The following CHODL variants were observed in gnomAD, a reference collection of about 807,000 sequenced individuals.
CHODL encodes chondrolectin.
Under a neutral mutation model 34.5 loss-of-function variants are expected in CHODL, and 29 were observed. That is an observed-to-expected ratio of 0.84 (90% CI 0.63 to 1.15). The LOEUF is 1.15. CHODL is among the 50% of genes most tolerant of loss of function. The probability of loss-of-function intolerance (pLI) is 0.00; values close to 1 mark genes in which losing one functional copy is unlikely to be tolerated. For synonymous variants in CHODL, 125 were observed against 116.1 expected (o/e 1.08, Z -0.49); for missense variants, 332 against 332.5 (o/e 1.00, Z 0.01).
intron 2 of CHODL, among the ~76,000 whole-genome samples, chr21:18,107,028 T>C (rs1696902942): frequency 6.6e-6 from 1 of 152,200 alleles, no homozygotes; most frequent in Non-Finnish European, 1.5e-5. Context: ...TAAGAAGGAC[T>C]AAGTGGAGAC....
chr21:18,160,052 G>T (rs1246008266), intron 2 of CHODL, among the ~76,000 whole-genome samples: 1 of 152,180 alleles, frequency 6.6e-6, no homozygotes, highest in Non-Finnish European at 1.5e-5. Flanking sequence ...TATTAAATTT[G>T]TGATAATCTG....
At chr21:18,061,650 A>G (rs2064667248) in intron 2 of CHODL, among the ~76,000 whole-genome samples, 1 of 152,230 alleles carries the variant, frequency 6.6e-6, no homozygotes, top group African/African-American at 2.4e-5. Context: ...GCACTTGTCA[A>G]CATGGATGGG....
rs151301428 is a variant in CHODL, at chr21:18,019,606, A to G, written c.-144-8266A>G. ...TACCTCATAATTATATATAACTACT[A>G]TATATCCACAAATTTAAAAAAAACT... On this transcript the variant is annotated intron_variant, in intron 1 of 6. Transcript: ENST00000400127. Among the ~76,000 whole-genome samples the G allele has an allele frequency of 3.5e-3, 535 of 152,276 alleles. 2 individuals carry two copies. Among genetic ancestry groups the G allele is most frequent in the African/African-American group, 0.012 (499 of 41,556 alleles).
At chr21:18,163,381 G>T (rs141602895) in intron 2 of CHODL, among the ~76,000 whole-genome samples, 1 of 152,132 alleles carries the variant, frequency 6.6e-6, no homozygotes, top group Non-Finnish European at 1.5e-5. Context: ...ATATTGGACT[G>T]AACAAATTAA....
intron 1 of CHODL, among the ~76,000 whole-genome samples, chr21:17,973,668 C>T (rs1253476220): frequency 6.6e-6 from 1 of 151,884 alleles, no homozygotes; most frequent in Non-Finnish European, 1.5e-5. Flanking sequence ...GATCCGCCCA[C>T]CTCAGCCTCC....
intron 1 of CHODL, among the ~76,000 whole-genome samples, chr21:17,933,708 T>C (rs1304992825): frequency 6.6e-6 from 1 of 152,126 alleles, no homozygotes; most frequent in Non-Finnish European, 1.5e-5. Context: ...TTCTCACTTA[T>C]AAGTGGGAGC....
intron 1 of CHODL, among the ~76,000 whole-genome samples, chr21:18,252,223 T>G (rs948939731): frequency 1.3e-5 from 2 of 152,130 alleles, no homozygotes; most frequent in Non-Finnish European, 2.9e-5. Flanking sequence ...AATGTAAGCT[T>G]AGTGTAATAG....
At chr21:18,103,837 C>A (rs995663538) in intron 2 of CHODL, among the ~76,000 whole-genome samples, 5 of 152,170 alleles carry the variant, frequency 3.3e-5, no homozygotes, top group African/African-American at 1.2e-4. Flanking sequence ...TTCCAAACAT[C>A]CTTTCTGTCA....
At chr21:18,258,131 G>A (rs1312002361) in intron 3 of CHODL, among the ~76,000 whole-genome samples, 2 of 152,134 alleles carry the variant, frequency 1.3e-5, no homozygotes, top group Middle Eastern at 3.4e-3. Context: ...GGGATTATTT[G>A]GATTAGACTT....
chr21:18,012,760 A>C (rs1425250079), intron 1 of CHODL, among the ~76,000 whole-genome samples: 1 of 152,244 alleles, frequency 6.6e-6, no homozygotes, highest in South Asian at 2.1e-4. Flanking sequence ...GTTTCCCAGA[A>C]GAAACAGAAG....
Position 18,257,078 on chromosome 21 carries a change from T to A in CHODL, c.498T>A (p.Asn166Lys), listed in dbSNP as rs375260963. The A allele has an allele frequency of 3.1e-5, 50 of 1,613,736 alleles. No individual in the cohort carries two copies. The highest frequency in any genetic ancestry group is 4.2e-5 in the Non-Finnish European group (49 of 1,179,872). Reference sequence around the variant, plus strand: ...GGGGTCCCTACCTTTACCAGTGGAATGATGACAGGTGTAACATGAAGCACA... The same window carrying A: ...GGGGTCCCTACCTTTACCAGTGGAAAGATGACAGGTGTAACATGAAGCACA... ...GLGGPYLYQW[N>K]DDRCNMKHNY... Residue 166 changes from asparagine (N) to lysine (K), a missense_variant, in exon 3 of 6, where the codon AAT becomes AAA. Transcript: ENST00000299295.
chr21:18,097,692 ATTC>A lies in CHODL; in HGVS notation c.-45+69725_-45+69727del, dbSNP rs141663437. 3.8e-3 allele frequency among the ~76,000 whole-genome samples: 582 copies of A among 152,254 alleles called. 2 individuals carry two copies. Among genetic ancestry groups the A allele is most frequent in the African/African-American group, 0.013 (549 of 41,570 alleles). ...CAATCTCCATCAAAATACCAATGAC[ATTC>A]TTCACAGAAATAGGAAAAACCATCA... is the stretch of plus-strand genomic sequence containing the variant. On this transcript the variant is annotated intron_variant, in intron 2 of 6. Transcript: ENST00000400127.
intron 2 of CHODL, among the ~76,000 whole-genome samples, chr21:18,131,816 T>A (rs1314345807): frequency 6.6e-6 from 1 of 152,156 alleles, no homozygotes; most frequent in African/African-American, 2.4e-5. Context: ...CTCCTTCCCT[T>A]TTTCCTGCTC....
At chr21:18,092,153 G>A (rs1176769302) in intron 2 of CHODL, among the ~76,000 whole-genome samples, 1 of 152,088 alleles carries the variant, frequency 6.6e-6, no homozygotes, top group Non-Finnish European at 1.5e-5. Flanking sequence ...GTTCCAAGTG[G>A]CTCAGTAGAT....
intron 2 of CHODL, among the ~76,000 whole-genome samples, chr21:18,121,956 C>T (rs1313439081): frequency 6.6e-6 from 1 of 152,120 alleles, no homozygotes; most frequent in Non-Finnish European, 1.5e-5. Context: ...TTTTTATTAT[C>T]AGTGCCAGGC....
At chr21:18,178,979 C>T (rs1039497461) in intron 2 of CHODL, among the ~76,000 whole-genome samples, 4 of 152,138 alleles carry the variant, frequency 2.6e-5, no homozygotes, top group African/African-American at 9.7e-5. Context: ...GTAATGTCTT[C>T]TGGAAGTTTA....
At chr21:18,003,436 ATAT>A (rs1348799902) in intron 1 of CHODL, among the ~76,000 whole-genome samples, 1 of 150,544 alleles carries the variant, frequency 6.6e-6, no homozygotes, top group Admixed American at 6.6e-5. Flanking sequence ...CTAAAATATA[ATAT>A]TAAAAATGAA....
At chr21:18,122,882 C>G (rs1314750924) in intron 2 of CHODL, among the ~76,000 whole-genome samples, 2 of 152,106 alleles carry the variant, frequency 1.3e-5, no homozygotes, top group East Asian at 3.8e-4. Context: ...TGATGTAAAG[C>G]AACATATTCT....
chr21:18,167,308 G>T (rs2073169570), intron 2 of CHODL, among the ~76,000 whole-genome samples: 2 of 113,244 alleles, frequency 1.8e-5, no homozygotes, highest in East Asian at 4.5e-4. Flanking sequence ...TTTCTATTAA[G>T]ATTTTTTTTT....
Sources: gnomAD v4.1 joint callset for allele counts (sites outside exome capture counted in the v4.1 genomes callset) on GRCh38, gnomAD v4.1.1 for gene constraint, MANE v1.5 for transcripts, NCBI Gene and HGNC (gene_info 2026-07-23, HGNC 2026-07-21) for gene names.